The following USP7 variants were observed in gnomAD, a reference collection of about 807,000 sequenced individuals.
USP7 encodes ubiquitin C-terminal hydrolase 7.
In USP7, 9 loss-of-function variants were observed where a neutral mutation model predicts 162.9. The ratio of observed to expected loss-of-function variants is 0.06; its 90% CI spans 0.03 to 0.10. USP7 has a LOEUF of 0.10. Among genes scored for constraint, USP7 ranks in the 10% least tolerant of loss-of-function variants. USP7 has a pLI of 1.00. For synonymous variants in USP7, 562 were observed against 475.9 expected, an observed-to-expected ratio of 1.18 and a Z score of -2.35; for missense variants, 715 against 1,373.7, an observed-to-expected ratio of 0.52 and a Z score of 7.58.
At chr16:8,939,164 G>A (rs531368084) in intron 1 of USP7, among the ~76,000 whole-genome samples, 67 of 152,224 alleles carry the variant, frequency 4.4e-4, no homozygotes, top group African/African-American at 1.5e-3. Context: ...TTTATTTACT[G>A]TGTAGATTTG....
At chr16:8,897,692 T>C (rs574772659) in intron 25 of USP7, among the ~76,000 whole-genome samples, 3 of 50,396 alleles carry the variant, frequency 6.0e-5, no homozygotes, top group Non-Finnish European at 1.1e-4. Context: ...TGAGACCCTG[T>C]CTCTACAAAA....
Position 8,905,299 on chromosome 16 carries a change from C to T in USP7, c.1461G>A (p.Arg487=), listed in dbSNP as rs1232671254. 6.2e-6 allele frequency: 10 copies of T among 1,614,182 alleles called. No individual in the cohort carries two copies. Among genetic ancestry groups the T allele is most frequent in the Middle Eastern group, 3.3e-4 (2 of 6,062 alleles). Residue 487 remains arginine (R), a synonymous_variant, in exon 14 of 31, where the codon AGG becomes AGA. Transcript: ENST00000344836. ...WCKFDDDVVS[R]CTKEEAIEHN... is the part of the protein sequence containing the mutation. ...GCTCAATTGCTTCCTCTTTAGTACA[C>T]CTTGACACCACGTCGTCATCAAATT... is the stretch of plus-strand genomic sequence containing the variant.
intron 1 of USP7, among the ~76,000 whole-genome samples, chr16:8,941,118 AT>A (rs1219698782): frequency 1.3e-5 from 2 of 152,052 alleles, no homozygotes; most frequent in African/African-American, 4.8e-5. Flanking sequence ...CCCAATTCAC[AT>A]GGGGCCCATG....
At chr16:8,897,690 T>C (rs2061704491) in intron 25 of USP7, among the ~76,000 whole-genome samples, 2 of 73,152 alleles carry the variant, frequency 2.7e-5, no homozygotes, top group Non-Finnish European at 4.8e-5. Flanking sequence ...AGTGAGACCC[T>C]GTCTCTACAA....
intron 3 of USP7, 56 bp downstream of exon 3, chr16:8,923,154 TTAAGA>T: frequency 6.4e-6 from 1 of 157,048 alleles, no homozygotes; most frequent in Non-Finnish European, 1.0e-5. Context: ...AGCAAATAAC[TTAAGA>T]TAAAATTGCA....
intron 1 of USP7, among the ~76,000 whole-genome samples, chr16:8,930,692 G>C (rs1167239102): frequency 1.3e-5 from 2 of 152,178 alleles, no homozygotes; most frequent in African/African-American, 2.4e-5. Flanking sequence ...ATGTAGGCCA[G>C]ACATGGTGGC....
intron 7 of USP7, 51 bp downstream of exon 7, chr16:8,916,975 A>AAG: frequency 2.0e-6 from 3 of 1,490,598 alleles, no homozygotes; most frequent in Non-Finnish European, 1.8e-6. Context: ...GTCCTAAAAA[A>AAG]AAAAAAAAAA....
intron 1 of USP7, among the ~76,000 whole-genome samples, chr16:8,954,942 G>C (rs556570778): frequency 1.3e-5 from 2 of 152,292 alleles, no homozygotes; most frequent in African/African-American, 2.4e-5. Context: ...CCTGACAACA[G>C]AGCGAGACTC....
At chr16:8,942,644 C>G (rs932482359) in intron 1 of USP7, among the ~76,000 whole-genome samples, 1 of 152,166 alleles carries the variant, frequency 6.6e-6, no homozygotes, top group Non-Finnish European at 1.5e-5. Flanking sequence ...ACCTCCCAGG[C>G]TCAAGCAATC....
At chr16:8,896,238 G>C (rs766598816) in intron 26 of USP7, among the ~76,000 whole-genome samples, 3 of 151,446 alleles carry the variant, frequency 2.0e-5, no homozygotes, top group African/African-American at 7.3e-5. Flanking sequence ...TAAGATTAAA[G>C]GGCTCTGCTG....
intron 2 of USP7, among the ~76,000 whole-genome samples, chr16:8,924,913 G>A (rs1897906550): frequency 1.3e-5 from 2 of 152,220 alleles, no homozygotes; most frequent in East Asian, 1.9e-4. Context: ...AGCTGAAAGA[G>A]GCGCATCTTG....
chr16:8,954,790 CT>C (rs1035172769), intron 1 of USP7, among the ~76,000 whole-genome samples: 7 of 151,992 alleles, frequency 4.6e-5, no homozygotes, highest in South Asian at 2.1e-4. Flanking sequence ...AAAACCCCCC[CT>C]CTACTAAAGA....
rs751135164 is a variant in USP7 at position 8,893,763 on chromosome 16, C to T, written c.*235G>A. On this transcript the variant is annotated 3_prime_UTR_variant, in exon 31 of 31. Transcript: ENST00000344836. Reference sequence around the variant, plus strand: ...TGACAGTTGCCTTGCACTGTGGTTACCATAAAATAACTCTCATTGGCATCC... The same window carrying T: ...TGACAGTTGCCTTGCACTGTGGTTATCATAAAATAACTCTCATTGGCATCC... 1.4e-4 allele frequency: 68 copies of T among 477,948 alleles called. No individual in the cohort carries two copies. The highest frequency in any genetic ancestry group is 1.2e-3 in the Middle Eastern group (2 of 1,688). The allele number at this position is 477,948 out of a possible 1,614,324, so 29.6% of individuals were successfully genotyped here.
In USP7 at chr16:8,921,034, T is replaced by G. The variant is rs554070226; in HGVS notation, c.522+123A>C. ...GGAGAAAACATGTTTTCAAAGACAC[T>G]TGTCCAATTTAGAAAGTAAAAATCT... On this transcript the variant is annotated intron_variant, in intron 4 of 30. Coordinates refer to ENST00000344836, the MANE Select transcript of USP7 (RefSeq NM_003470.3). The G allele has an allele frequency of 2.2e-4, 246 of 1,120,240 alleles. No individual in the cohort carries two copies. In the African/African-American group the frequency reaches 3.4e-3, roughly 15 times the overall value. The allele number at this position is 1,120,240 out of a possible 1,614,324, so 69.4% of individuals were successfully genotyped here.
At chr16:8,898,234 C>T in intron 25 of USP7, 126 bp downstream of exon 25, 1 of 825,626 alleles carries the variant, frequency 1.2e-6, no homozygotes, top group Non-Finnish European at 1.9e-6. Flanking sequence ...GCTCCCCCAG[C>T]CCCCATCATG....
At position 8,930,252 on chromosome 16, in the gene USP7, A is replaced by G. The variant is rs778803654; in HGVS notation, c.184+41T>C. ...ATGGATCTGAACCTGTTTTCTGACA[A>G]GTTTCCGCCCACTGCGAGGCGGTGA... is the stretch of plus-strand genomic sequence containing the variant. On this transcript the variant is annotated intron_variant, in intron 2 of 30. Coordinates refer to ENST00000344836, the MANE Select transcript of USP7 (RefSeq NM_003470.3). 9.9e-6 allele frequency: 15 copies of G among 1,508,850 alleles called. No individual in the cohort carries two copies. The South Asian group carries it at 1.6e-4, about 16-fold the overall frequency. The allele number at this position is 1,508,850 out of a possible 1,614,324, so 93.5% of individuals were successfully genotyped here. A position where few individuals can be genotyped will look rare whatever the true frequency, so the allele number is the denominator to read the frequency against.
chr16:8,946,185 C>G (rs1899266561), intron 1 of USP7, among the ~76,000 whole-genome samples: 1 of 152,118 alleles, frequency 6.6e-6, no homozygotes. Flanking sequence ...ATGTAAAACC[C>G]CAAGACTGTA....
chr16:8,948,797 A>C (rs1386326546), intron 1 of USP7, among the ~76,000 whole-genome samples: 2 of 152,178 alleles, frequency 1.3e-5, no homozygotes, highest in Admixed American at 6.6e-5. Flanking sequence ...CCCCGTCTCT[A>C]GAAAAAAAAT....
intron 16 of USP7, 147 bp downstream of exon 16, chr16:8,903,121 G>T: frequency 1.8e-6 from 2 of 1,100,650 alleles, no homozygotes; most frequent in Non-Finnish European, 2.5e-6. Flanking sequence ...TCTCAGGCAG[G>T]AAATGTTCCT....
Sources: gnomAD v4.1 joint callset for allele counts (sites outside exome capture counted in the v4.1 genomes callset) on GRCh38, gnomAD v4.1.1 for gene constraint, MANE v1.5 for transcripts, NCBI Gene and HGNC (gene_info 2026-07-23, HGNC 2026-07-21) for gene names.